SGSH: variants seen among roughly 807,000 people sequenced by gnomAD.
SGSH encodes the protein heparan sulfate sulfatase.
SGSH carries 48 observed loss-of-function variants against 51.0 expected under a neutral mutation model. The ratio of observed to expected loss-of-function variants is 0.94; its 90% CI spans 0.75 to 1.20. SGSH has a LOEUF of 1.20. Ranked by LOEUF, SGSH falls within the 50% of genes most tolerant of loss-of-function variation. The pLI is 0.00. For missense variants in SGSH, 662 were observed against 717.8 expected, an observed-to-expected ratio of 0.92 and a Z score of 0.89; for synonymous variants, 321 against 313.4, an observed-to-expected ratio of 1.02 and a Z score of -0.26.
chr17:80,211,379 G>A (rs561806930), intron 7 of SGSH: 3 of 345,000 alleles, frequency 8.7e-6, no homozygotes, highest in South Asian at 5.5e-5. Context: ...TGTGGGCCGC[G>A]AGCTCGGAGG....
At chr17:80,205,644 A>G (rs2041259572), downstream of SGSH, 1 of 948,242 alleles carries the variant, frequency 1.1e-6, no homozygotes, top group Middle Eastern at 2.8e-4. Flanking sequence ...GGAGTCCCTC[A>G]TGGAAAAGGT....
chr17:80,201,609 T>G, the SGSH span: 1 of 875,506 alleles, frequency 1.1e-6, no homozygotes, highest in Non-Finnish European at 1.9e-6. This position sits in a 1 kb window ranked among gnomAD's most constrained non-coding sequence, Gnocchi z 5.0. Flanking sequence ...GGCTTTGTTT[T>G]GACCAAGGCG....
chr17:80,210,755 G>T lies in SGSH; in HGVS notation c.1206C>A (p.Phe402Leu). 1 of 1,614,104 alleles carries T rather than the reference G, an allele frequency of 6.2e-7. No homozygotes were observed. The highest frequency in any genetic ancestry group is 2.2e-5 in the East Asian group (1 of 44,890). Reference protein sequence around the residue: ...FKMPFPIDQDFYVSPTFQDLL... With the variant: ...FKMPFPIDQDLYVSPTFQDLL... ...GGTCCTGGAAGGTGGGTGAGACGTA[G>T]AAGTCCTGGTCGATGGGAAAGGGCA... is the stretch of plus-strand genomic sequence containing the variant. Residue 402 changes from phenylalanine (F) to leucine (L), a missense_variant, in exon 8 of 8, where the codon TTC (phenylalanine) becomes TTA (leucine). By Grantham distance (22) the Phe-to-Leu change is conservative. Transcript: ENST00000326317.
rs1428229095 is a variant in SGSH at position 80,219,949 on chromosome 17, G to A, written c.88+277C>T. On this transcript the variant is annotated intron_variant, in intron 1 of 7. Coordinates refer to ENST00000326317, the MANE Select transcript of SGSH (RefSeq NM_000199.5). ...GAGATCCGTGGACCCCTGAGCCCTGGCTGGGCAGGGTCAGAGGAGGGTGGG... is the reference window on the plus strand; with the variant it reads ...GAGATCCGTGGACCCCTGAGCCCTGACTGGGCAGGGTCAGAGGAGGGTGGG... 4 of 369,420 alleles carry A rather than the reference G, an allele frequency of 1.1e-5. No homozygotes were observed. In the East Asian group the frequency reaches 1.6e-4, roughly 15 times the overall value. The allele number at this position is 369,420 out of a possible 1,614,324, so 22.9% of individuals were successfully genotyped here. A position where few individuals can be genotyped will look rare whatever the true frequency, so the allele number is the denominator to read the frequency against.
At position 80,214,345 on chromosome 17, in the gene SGSH, T is replaced by C. The variant is rs1223461633; in HGVS notation, c.507-17A>G. On this transcript the variant is annotated splice_polypyrimidine_tract_variant and intron_variant, in intron 4 of 7. Transcript: ENST00000326317. ...AAGAAAGGCCTGCACGGGAGGAGGCTCATTGCCAAGGCTGCGGGGCCACTG... is the reference window on the plus strand; with the variant it reads ...AAGAAAGGCCTGCACGGGAGGAGGCCCATTGCCAAGGCTGCGGGGCCACTG... 1 of 1,609,564 alleles carries C rather than the reference T, an allele frequency of 6.2e-7. No homozygotes were observed. Among genetic ancestry groups the C allele is most frequent in the Non-Finnish European group, 8.5e-7 (1 of 1,177,804 alleles).
chr17:80,205,717 G>A (rs923787069), downstream of SGSH: 11 of 1,465,812 alleles, frequency 7.5e-6, no homozygotes, highest in Admixed American at 4.8e-5. Context: ...TGCAGAGGAG[G>A]GGGATGAGAT....
In SGSH at chr17:80,209,477, G is replaced by A. The variant is rs890266900; in HGVS notation, c.*975C>T. 8 of 985,436 alleles carry A rather than the reference G, an allele frequency of 8.1e-6. No homozygotes were observed. Among genetic ancestry groups the A allele is most frequent in the Non-Finnish European group, 9.6e-6 (8 of 830,096 alleles). 61.0% of individuals were successfully genotyped at this position (985,436 alleles called of 1,614,324 possible). ...TCCAGGCCGGGCTTCTGCTCCCGAG[G>A]TGGGTGGAGGCAGGGCAGGAACGGC... On this transcript the variant is annotated 3_prime_UTR_variant, in exon 8 of 8. Transcript: ENST00000326317.
downstream of SGSH, chr17:80,204,245 C>A: frequency 1.9e-6 from 3 of 1,593,044 alleles, no homozygotes; most frequent in Non-Finnish European, 2.6e-6. Flanking sequence ...TGGGGGACCA[C>A]AGAAGCTGGT....
At chr17:80,204,341 G>A (rs561364619), downstream of SGSH, 59 of 1,552,882 alleles carry the variant, frequency 3.8e-5, 1 homozygote, top group South Asian at 6.1e-4. Context: ...CAGGATGGAG[G>A]GTGAGGCCTG....
rs551050307 is a variant in SGSH, at chr17:80,217,939, A to G, written c.89-747T>C. Among the ~76,000 whole-genome samples, 3 of 152,060 alleles carry G rather than the reference A, an allele frequency of 2.0e-5. No individual in the cohort carries two copies. The East Asian group carries it at 5.8e-4, about 29-fold the overall frequency. On this transcript the variant is annotated intron_variant, in intron 1 of 7. Transcript: ENST00000326317. ...GGCTGGACTGATAGCTGGTGGGTAT[A>G]AGCAGATGGGCATGGTACCCAGGCA...
chr17:80,207,209 G>C, downstream of SGSH: 1 of 627,162 alleles, frequency 1.6e-6, no homozygotes, highest in South Asian at 2.0e-5. Flanking sequence ...TGACAGGGCC[G>C]TTTCCGCACA....
intron 4 of SGSH, 77 bp from the exon 5 acceptor site, chr17:80,214,405 C>T: frequency 6.6e-7 from 1 of 1,511,274 alleles, no homozygotes; most frequent in Non-Finnish European, 9.0e-7. Flanking sequence ...GCTCTGCCTC[C>T]TCCTCTGTAT....
downstream of SGSH, among the ~76,000 whole-genome samples, chr17:80,206,121 T>TG (rs2041288795): frequency 6.6e-6 from 1 of 152,060 alleles, no homozygotes; most frequent in Non-Finnish European, 1.5e-5. Context: ...CAGTGAAAAA[T>TG]CAAAGGGATG....
At position 80,212,976 on chromosome 17, in the gene SGSH, G is replaced by C. The variant is rs937300487; in HGVS notation, c.746-702C>G. The stretch of plus-strand genomic sequence containing the variant: ...GAGGCTGAGGTGGGCGGATCACGAG[G>C]TCAGGAGTTCAAGACCAGCCTGGCC... On this transcript the variant is annotated intron_variant, in intron 6 of 7. Coordinates refer to ENST00000326317, the MANE Select transcript of SGSH (RefSeq NM_000199.5). The surrounding 1 kb of genome is among the most constrained non-coding windows in gnomAD (Gnocchi z 5.9). 6.4e-6 allele frequency: 1 copy of C among 155,850 alleles called. No homozygotes were observed. Among genetic ancestry groups the C allele is most frequent in the Non-Finnish European group, 1.4e-5 (1 of 70,352 alleles). The allele number at this position is 155,850 out of a possible 1,614,324, so 9.7% of individuals were successfully genotyped here.
At chr17:80,214,955 C>A in intron 3 of SGSH, 78 bp downstream of exon 3, 1 of 1,385,580 alleles carries the variant, frequency 7.2e-7, no homozygotes, top group Non-Finnish European at 1.0e-6. Flanking sequence ...TGCCTTGGTA[C>A]AAGGTGCCGA....
downstream of SGSH, chr17:80,206,903 C>G: frequency 8.5e-7 from 1 of 1,173,866 alleles, no homozygotes; most frequent in Non-Finnish European, 1.2e-6. Context: ...CTGACCTGGG[C>G]GTTGGCTCCC....
chr17:80,217,675 T>C (rs2041943394), intron 1 of SGSH, among the ~76,000 whole-genome samples: 1 of 148,994 alleles, frequency 6.7e-6, no homozygotes, highest in Non-Finnish European at 1.5e-5. Flanking sequence ...GTATGGAGGC[T>C]GGACTGATAG....
At chr17:80,208,474 C>A, downstream of SGSH, 1 of 847,326 alleles carries the variant, frequency 1.2e-6, no homozygotes, top group Non-Finnish European at 1.8e-6. Flanking sequence ...TCCCCACTGG[C>A]TGGGGTCTAA....
chr17:80,217,017 C>A lies in SGSH; in HGVS notation c.249+15G>T, dbSNP rs941020879. 1 of 1,544,862 alleles carries A rather than the reference C, an allele frequency of 6.5e-7. No individual in the cohort carries two copies. Among genetic ancestry groups the A allele is most frequent in the Admixed American group, 1.9e-5 (1 of 51,530 alleles). On this transcript the variant is annotated intron_variant, in intron 2 of 7. Transcript: ENST00000326317. The stretch of plus-strand genomic sequence containing the variant: ...ACTCCCTGCCCACCCCCTCCTCCCG[C>A]CCCTTGCACCTCACCTGGGGCAGGC...
Sources: gnomAD v4.1 joint callset for allele counts (sites outside exome capture counted in the v4.1 genomes callset) on GRCh38, gnomAD v4.1.1 for gene constraint, Gnocchi (gnomAD v3.1) non-coding constraint, MANE v1.5 for transcripts, NCBI Gene and HGNC (gene_info 2026-07-23, HGNC 2026-07-21) for gene names.